Variants in AHNAK observed in about 807,000 individuals in gnomAD.
The protein encoded by AHNAK is AHNAK nucleoprotein.
A neutral mutation model predicts 37.8 loss-of-function variants in AHNAK; 23 were observed. The ratio of observed to expected loss-of-function variants is 0.61; its 90% CI spans 0.44 to 0.86. The LOEUF (loss-of-function observed/expected upper bound fraction) is 0.86. Among genes scored for constraint, AHNAK ranks in the 40% least tolerant of loss-of-function variants. The pLI, the probability that AHNAK is intolerant of heterozygous loss-of-function variation, is 0.00. For synonymous variants in AHNAK, 2,481 were observed against 2,636.3 expected (o/e 0.94, Z 1.80); for missense variants, 7,411 against 7,319.4 (o/e 1.01, Z -0.46).
At position 62,522,624 on chromosome 11, in the gene AHNAK, C is replaced by T. The variant is rs148435188; in HGVS notation, c.11793G>A (p.Lys3931=). ...VDVRGPDWHL[K]MPKIKMPKIS... is the part of the protein sequence containing the mutation. Reference sequence around the variant, plus strand: ...TCTTGGGCATTTTTATCTTAGGCATCTTCAGGTGCCAGTCTGGGCCTCGAA... The same window carrying T: ...TCTTGGGCATTTTTATCTTAGGCATTTTCAGGTGCCAGTCTGGGCCTCGAA... The change falls in exon 5 of 5, where the codon AAG becomes AAA. Residue 3931 remains lysine (K), a synonymous_variant. Transcript: ENST00000378024. 93 of 1,612,406 alleles carry T rather than the reference C, an allele frequency of 5.8e-5. No homozygotes were observed. In the African/African-American group the frequency reaches 1.1e-3, roughly 20 times the overall value.
rs1473168291 is a variant in AHNAK at position 62,526,973 on chromosome 11, G to C, written c.7444C>G (p.Leu2482Val). 8 of 1,614,006 alleles carry C rather than the reference G, an allele frequency of 5.0e-6. No homozygotes were observed. The highest frequency in any genetic ancestry group is 6.8e-6 in the Non-Finnish European group (8 of 1,179,956). ...CTGATGTTCATATCTGGTACTTCAA[G>C]TTTACCTTCTACCTCAGGCACAGAC... ...DVSVPEVEGK[L>V]EVPDMNIRGP... Residue 2482 changes from leucine (L) to valine (V), a missense_variant, in exon 5 of 5, where the codon CTT becomes GTT. Physicochemically the swap from Leu to Val is conservative, Grantham distance 32. Transcript: ENST00000378024.
chr11:62,449,883 G>A (rs1565197682), intron 5 of AHNAK, among the ~76,000 whole-genome samples: 1 of 152,072 alleles, frequency 6.6e-6, no homozygotes, highest in African/African-American at 2.4e-5. Flanking sequence ...AATACTGAAA[G>A]GTATAATTGC....
At chr11:62,478,098 G>C (rs1426997468) in intron 5 of AHNAK, among the ~76,000 whole-genome samples, 1 of 152,196 alleles carries the variant, frequency 6.6e-6, no homozygotes, top group Non-Finnish European at 1.5e-5. Flanking sequence ...GCTATCTTAA[G>C]AGCAGAGCCC....
In AHNAK at chr11:62,526,672, G is replaced by C; in HGVS notation, c.7745C>G (p.Pro2582Arg). 1 of 1,612,066 alleles carries C rather than the reference G, an allele frequency of 6.2e-7. No homozygotes were observed. Among genetic ancestry groups the C allele is most frequent in the Non-Finnish European group, 8.5e-7 (1 of 1,179,550 alleles). ...MNIKAPKISMPDFDLHLKGPK... is the reference protein window; with the variant it reads ...MNIKAPKISMRDFDLHLKGPK... ...ACCTTTCAGATGCAAATCAAAGTCA[G>C]GCATGGAGATCTTGGGGGCTTTGAT... Residue 2582 changes from proline (P) to arginine (R), a missense_variant, in exon 5 of 5, where the codon CCT becomes CGT. Physicochemically the swap from Pro to Arg is moderately radical, Grantham distance 103. Coordinates refer to ENST00000378024, the MANE Select transcript of AHNAK (RefSeq NM_001620.3).
At position 62,519,069 on chromosome 11, in the gene AHNAK, T is replaced by C; in HGVS notation, c.15348A>G (p.Glu5116=). Residue 5116 remains glutamate, a synonymous_variant, in exon 5 of 5, where the codon GAA becomes GAG. Transcript: ENST00000378024. The part of the protein sequence containing the change: ...APLPSPKLEG[E]LQAPDLELSL... ...AAAGTTCCAGATCAGGTGCCTGGAG[T>C]TCACCCTCCAGTTTGGGGCTAGGGA... 1 of 1,612,918 alleles carries C rather than the reference T, an allele frequency of 6.2e-7. No individual in the cohort carries two copies. The highest frequency in any genetic ancestry group is 8.5e-7 in the Non-Finnish European group (1 of 1,179,338).
chr11:62,533,791 G>C lies in AHNAK; in HGVS notation c.626C>G (p.Pro209Arg). Residue 209 changes from proline (P) to arginine (R), a missense_variant, in exon 5 of 5, where the codon CCC (proline) becomes CGC (arginine). Pro to Arg is a moderately radical substitution (Grantham distance 103). Transcript: ENST00000378024. ...TQSGKTVIRL[P>R]SGSGAASPTG... ...CGGAGAGGCTGCCCCCGAGCCCGAG[G>C]GCAGTCTGATCACGGTCTTCCCAGA... 1 of 1,614,152 alleles carries C rather than the reference G, an allele frequency of 6.2e-7. No individual in the cohort carries two copies. Among genetic ancestry groups the C allele is most frequent in the Non-Finnish European group, 8.5e-7 (1 of 1,180,032 alleles).
rs750871091 is a variant in AHNAK at position 62,525,075 on chromosome 11, T to G, written c.9342A>C (p.Pro3114=). ...KVKGDMDVSL[P]KVEGDMKVPD... ...GAACTTTCATGTCACCTTCCACTTT[T>G]GGCAGAGACACATCCATGTCACCCT... The change falls in exon 5 of 5, where the codon CCA becomes CCC. Residue 3114 remains proline, a synonymous_variant. Transcript: ENST00000378024. 3 of 1,613,930 alleles carry G rather than the reference T, an allele frequency of 1.9e-6. No homozygotes were observed. Among genetic ancestry groups the G allele is most frequent in the South Asian group, 2.2e-5 (2 of 91,066 alleles).
intron 5 of AHNAK, among the ~76,000 whole-genome samples, chr11:62,481,100 T>G (rs372653464): frequency 2.4e-5 from 1 of 42,356 alleles, no homozygotes; most frequent in Admixed American, 3.9e-4. Context: ...TTTTTTTTTT[T>G]TTGGTTTTTT....
At chr11:62,449,893 C>T (rs1938496127) in intron 5 of AHNAK, among the ~76,000 whole-genome samples, 1 of 152,224 alleles carries the variant, frequency 6.6e-6, no homozygotes, top group South Asian at 2.1e-4. Context: ...GGTATAATTG[C>T]TGTGAATATG....
intron 5 of AHNAK, among the ~76,000 whole-genome samples, chr11:62,460,069 G>A (rs1459254066): frequency 1.3e-5 from 2 of 150,900 alleles, no homozygotes; most frequent in Non-Finnish European, 2.9e-5. Flanking sequence ...GGTGAGCTGA[G>A]ATCGCACCAT....
chr11:62,443,261 C>A (rs1488878858), intron 5 of AHNAK, among the ~76,000 whole-genome samples: 13 of 147,028 alleles, frequency 8.8e-5, no homozygotes, highest in African/African-American at 2.0e-4. Context: ...CAGGTGTGAG[C>A]CACTGCACCC....
At position 62,517,208 on chromosome 11, in the gene AHNAK, A is replaced by C. The variant is rs544867380; in HGVS notation, c.17209T>G (p.Ser5737Ala). The change falls in exon 5 of 5, where the codon TCT (serine) becomes GCT (alanine). Residue 5737 changes from serine to alanine, a missense_variant. Transcript: ENST00000378024. The stretch of plus-strand genomic sequence containing the variant: ...CTTTTCAGGTCACCTTTGGACCCAG[A>C]AATTGATGCTTCTGGTGAGCCAGTG... Reference protein sequence around the residue: ...GVTGSPEASISGSKGDLKSSK... With the variant: ...GVTGSPEASIAGSKGDLKSSK... 62 of 1,613,986 alleles carry C rather than the reference A, an allele frequency of 3.8e-5. No homozygotes were observed. The highest frequency in any genetic ancestry group is 5.3e-5 in the African/African-American group (4 of 74,908).
In AHNAK at chr11:62,527,008, T is replaced by A. The variant is rs200639458; in HGVS notation, c.7409A>T (p.Asp2470Val). ...LNLKGPKIKGDVDVSVPEVEG... is the reference protein window; with the variant it reads ...LNLKGPKIKGVVDVSVPEVEG... ...TACCTCAGGCACAGACACATCCACA[T>A]CCCCCTTGATTTTGGGTCCTTTGAG... is the stretch of plus-strand genomic sequence containing the variant. Residue 2470 changes from aspartate (D) to valine (V), a missense_variant, in exon 5 of 5, where the codon GAT becomes GTT. By Grantham distance (152) the Asp-to-Val change is radical. Coordinates refer to ENST00000378024, the MANE Select transcript of AHNAK (RefSeq NM_001620.3). The A allele has an allele frequency of 1.9e-6, 3 of 1,613,776 alleles. No homozygotes were observed. Among genetic ancestry groups the A allele is most frequent in the Admixed American group, 3.3e-5 (2 of 59,990 alleles).
chr11:62,462,306 TG>T (rs1938809490), intron 5 of AHNAK, among the ~76,000 whole-genome samples: 1 of 149,190 alleles, frequency 6.7e-6, no homozygotes, highest in Non-Finnish European at 1.5e-5. Flanking sequence ...TCTTTAGCAC[TG>T]ACAGTTATTC....
intron 4 of AHNAK, among the ~76,000 whole-genome samples, chr11:62,501,344 G>A (rs982742725): frequency 3.9e-5 from 6 of 152,218 alleles, no homozygotes; most frequent in Non-Finnish European, 5.9e-5. Flanking sequence ...CAAAGTGGGT[G>A]GATCATGAGG....
intron 5 of AHNAK, among the ~76,000 whole-genome samples, chr11:62,488,078 T>A (rs1939427195): frequency 6.6e-6 from 1 of 152,210 alleles, no homozygotes; most frequent in African/African-American, 2.4e-5. Context: ...CTCCACAGAC[T>A]TTCTCTGAAT....
rs962953542 is a variant in AHNAK at position 62,439,162 on chromosome 11, C to G, written c.443-5271G>C. 2.1e-5 allele frequency among the ~76,000 whole-genome samples: 3 copies of G among 142,878 alleles called. No homozygotes were observed. The Admixed American group carries it at 2.4e-4, about 11-fold the overall frequency. 93.7% of individuals were successfully genotyped at this position (142,878 alleles called of 152,430 possible). On this transcript the variant is annotated intron_variant, in intron 5 of 5. Transcript: ENST00000257247. ...AGGCTGGAGTGCAATGGCGTGATCTCCGCTCACTGCAAGCTCTGACCACCC... is the reference window on the plus strand; with the variant it reads ...AGGCTGGAGTGCAATGGCGTGATCTGCGCTCACTGCAAGCTCTGACCACCC...
intron 5 of AHNAK, among the ~76,000 whole-genome samples, chr11:62,453,269 T>C (rs748041745): frequency 6.6e-6 from 1 of 152,154 alleles, no homozygotes; most frequent in Admixed American, 6.6e-5. Context: ...TCATTACTGC[T>C]CTTGCCTAAC....
chr11:62,529,656 A>T lies in AHNAK; in HGVS notation c.4761T>A (p.Asn1587Lys), dbSNP rs774421278. The stretch of plus-strand genomic sequence containing the variant: ...CAGTTTTCAGTTTAGGGGCTTTCAA[A>T]TTAAGTCCAACATCAGGCATAGAGA... ...HKISMPDVGL[N>K]LKAPKLKTDV... is the part of the protein sequence containing the mutation. The change falls in exon 5 of 5, where the codon AAT becomes AAA. Residue 1587 changes from asparagine to lysine, a missense_variant. By Grantham distance (94) the Asn-to-Lys change is moderately conservative. Transcript: ENST00000378024. 17 of 1,614,142 alleles carry T rather than the reference A, an allele frequency of 1.1e-5. No individual in the cohort carries two copies. Among genetic ancestry groups the T allele is most frequent in the Middle Eastern group, 1.6e-4 (1 of 6,062 alleles).
Sources: gnomAD v4.1 joint callset for allele counts (sites outside exome capture counted in the v4.1 genomes callset) on GRCh38, gnomAD v4.1.1 for gene constraint, MANE v1.5 for transcripts, NCBI Gene and HGNC (gene_info 2026-07-23, HGNC 2026-07-21) for gene names.